Variants in ZC3H11A observed in about 807,000 individuals in gnomAD.
The protein encoded by ZC3H11A is zinc finger CCCH domain-containing protein 11A.
In ZC3H11A, 22 loss-of-function variants were observed where a neutral mutation model predicts 90.8. That is an observed-to-expected ratio of 0.24 (90% CI 0.17 to 0.35). The LOEUF is 0.35. Ranked by LOEUF, ZC3H11A falls within the 10% of genes least tolerant of loss-of-function variation. ZC3H11A has a pLI of 1.00. For missense variants in ZC3H11A, 701 were observed against 964.9 expected (o/e 0.73, Z 3.62); for synonymous variants, 294 against 339.8 (o/e 0.87, Z 1.48).
At position 203,808,692 on chromosome 1, in the gene ZC3H11A, A is replaced by G. The variant is rs549193246; in HGVS notation, c.-146+5676A>G. 2.0e-5 allele frequency among the ~76,000 whole-genome samples: 3 copies of G among 152,236 alleles called. No homozygotes were observed. The East Asian group carries it at 5.8e-4, about 29-fold the overall frequency. ...AGTAATCTCTTGTAATTCAGTTATT[A>G]TGTTTTTCATCAGTGTTTATTCTGT... On this transcript the variant is annotated intron_variant, in intron 2 of 17. Coordinates refer to ENST00000367210, the MANE Select transcript of ZC3H11A (RefSeq NM_001376342.1).
intron 5 of ZC3H11A, among the ~76,000 whole-genome samples, chr1:203,828,774 A>T (rs1308141750): frequency 1.3e-5 from 2 of 152,216 alleles, no homozygotes; most frequent in African/African-American, 4.8e-5. Context: ...AGCCTTGCCC[A>T]TTCATTTACA....
In ZC3H11A at chr1:203,851,138, A is replaced by T. The variant is rs1308987554; in HGVS notation, c.2174+14A>T. 6.8e-6 allele frequency: 11 copies of T among 1,613,498 alleles called. No individual in the cohort carries two copies. The Admixed American group carries it at 1.3e-4, about 20-fold the overall frequency. Reference sequence around the variant, plus strand: ...TCCTAGAGACAGGTAATACTTTGTAATTCTTTCTAAACAAACTCCAGGCCC... The same window carrying T: ...TCCTAGAGACAGGTAATACTTTGTATTTCTTTCTAAACAAACTCCAGGCCC... On this transcript the variant is annotated intron_variant, in intron 17 of 17. Coordinates refer to ENST00000367210, the MANE Select transcript of ZC3H11A (RefSeq NM_001376342.1).
chr1:203,831,564 T>G, intron 8 of ZC3H11A, 97 bp from the exon 9 acceptor site: 2 of 899,214 alleles, frequency 2.2e-6, no homozygotes, highest in Non-Finnish European at 3.5e-6. Context: ...AATATCAGTC[T>G]GTATTGGACT....
At chr1:203,841,756 A>C (rs891326972) in intron 12 of ZC3H11A, among the ~76,000 whole-genome samples, 12 of 151,130 alleles carry the variant, frequency 7.9e-5, no homozygotes, top group Admixed American at 7.9e-4. Flanking sequence ...CCCACCTCCC[A>C]GACGGGGCAG....
chr1:203,809,328 A>G (rs1403394736), intron 2 of ZC3H11A, among the ~76,000 whole-genome samples: 12 of 150,788 alleles, frequency 8.0e-5, no homozygotes, highest in Non-Finnish European at 1.5e-5. Context: ...GGCGCACACT[A>G]CCGTGCCCGG....
At chr1:203,817,530 CTTCTTT>C (rs1676761289) in intron 3 of ZC3H11A, among the ~76,000 whole-genome samples, 1 of 151,782 alleles carries the variant, frequency 6.6e-6, no homozygotes. Flanking sequence ...TTGAATTTGA[CTTCTTT>C]CTTCTCCCAG....
rs755259647 is a variant in ZC3H11A at position 203,819,529 on chromosome 1, A to ATTTTTTTTTTTTT, written c.174+850_174+862dup. Among the ~76,000 whole-genome samples, 264 of 72,858 alleles carry ATTTTTTTTTTTTT rather than the reference A, an allele frequency of 3.6e-3. 10 individuals carry two copies. The highest frequency in any genetic ancestry group is 5.2e-3 in the Non-Finnish European group (198 of 38,066). 47.8% of individuals were successfully genotyped at this position (72,858 alleles called of 152,430 possible). ...GAGCCACCGTGCCCAGCTGACTCCA[A>ATTTTTTTTTTTTT]TTTTTTTTTTTTTTTTTTTTTTGAG... On this transcript the variant is annotated intron_variant, in intron 4 of 17. Coordinates refer to ENST00000367210, the MANE Select transcript of ZC3H11A (RefSeq NM_001376342.1).
rs531570415 is a variant in ZC3H11A at position 203,832,446 on chromosome 1, C to T, written c.811+675C>T. On this transcript the variant is annotated intron_variant, in intron 9 of 17. Coordinates refer to ENST00000367210, the MANE Select transcript of ZC3H11A (RefSeq NM_001376342.1). ...TGCGATCTCCACTCACTGCAACCTC[C>T]GCCTCCCAGGTTCAAGTGATTCTCC... Among the ~76,000 whole-genome samples the T allele has an allele frequency of 9.2e-5, 14 of 152,090 alleles. No homozygotes were observed. In the South Asian group the frequency reaches 1.9e-3, roughly 20 times the overall value.
intron 2 of ZC3H11A, among the ~76,000 whole-genome samples, chr1:203,816,163 T>G (rs1017201872): frequency 1.1e-4 from 16 of 152,250 alleles, no homozygotes; most frequent in African/African-American, 3.9e-4. Flanking sequence ...GTGAAAATAT[T>G]TGAAGTTTTT....
intron 2 of ZC3H11A, chr1:203,805,870 A>G (rs1294631853): frequency 9.4e-6 from 8 of 848,716 alleles, no homozygotes; most frequent in Non-Finnish European, 1.4e-5. Context: ...CATGTCCACT[A>G]GCTGGTCTTG....
At chr1:203,821,323 A>T (rs1244496040) in intron 4 of ZC3H11A, among the ~76,000 whole-genome samples, 1 of 151,674 alleles carries the variant, frequency 6.6e-6, no homozygotes, top group Admixed American at 6.6e-5. Context: ...TTTTTTTTTT[A>T]AATAAATTTC....
chr1:203,814,845 T>A (rs989322084), intron 2 of ZC3H11A: 7 of 152,188 alleles, frequency 4.6e-5, no homozygotes, highest in Admixed American at 1.3e-4. Flanking sequence ...ATTTGTTTAT[T>A]TTTGAGATAG....
intron 1 of ZC3H11A, chr1:203,799,116 A>G: frequency 6.5e-7 from 1 of 1,531,082 alleles, no homozygotes; most frequent in Non-Finnish European, 8.8e-7. Flanking sequence ...AGGTTTGGCT[A>G]AAGACTGTTT....
chr1:203,796,197 G>T, intron 1 of ZC3H11A: 1 of 382,340 alleles, frequency 2.6e-6, no homozygotes, highest in Non-Finnish European at 4.6e-6. Flanking sequence ...TGCTTTCTTC[G>T]GGGCAACAGT....
In ZC3H11A at chr1:203,817,004, G is replaced by A. The variant is rs1397118017; in HGVS notation, c.-67G>A. 2.2e-5 allele frequency: 26 copies of A among 1,192,894 alleles called. No individual in the cohort carries two copies. The highest frequency in any genetic ancestry group is 5.5e-4 in the Middle Eastern group (2 of 3,648). 73.9% of individuals were successfully genotyped at this position (1,192,894 alleles called of 1,614,324 possible). A position where few individuals can be genotyped will look rare whatever the true frequency, so the allele number is the denominator to read the frequency against. On this transcript the variant is annotated 5_prime_UTR_variant, in exon 3 of 18. Transcript: ENST00000367210. The stretch of plus-strand genomic sequence containing the variant: ...CCCATTTCACGAGGACTTGGAGCCT[G>A]GTCCTTGCTTTGAGGAAGCAGTGGC...
chr1:203,843,100 A>T (rs1281883050), intron 12 of ZC3H11A, among the ~76,000 whole-genome samples: 1 of 152,180 alleles, frequency 6.6e-6, no homozygotes, highest in African/African-American at 2.4e-5. Flanking sequence ...GATGTTGGAC[A>T]TTCTTATTCT....
At chr1:203,826,508 A>C (rs773895076) in intron 4 of ZC3H11A, among the ~76,000 whole-genome samples, 4 of 152,154 alleles carry the variant, frequency 2.6e-5, no homozygotes, top group Non-Finnish European at 5.9e-5. Flanking sequence ...GAGCAAATTT[A>C]CATTTCCATT....
intron 2 of ZC3H11A, chr1:203,805,593 T>A: frequency 1.6e-6 from 1 of 630,182 alleles, no homozygotes; most frequent in Non-Finnish European, 3.1e-6. Context: ...ATAATATGTT[T>A]TACATGATGT....
chr1:203,799,701 A>G, intron 1 of ZC3H11A: 1 of 716,710 alleles, frequency 1.4e-6, no homozygotes, highest in Non-Finnish European at 2.5e-6. Context: ...GCAGAAACTC[A>G]GAGAAGATTT....
Sources: allele counts gnomAD v4.1 joint callset (sites outside exome capture counted in the v4.1 genomes callset), GRCh38; gene constraint gnomAD v4.1.1; transcripts MANE v1.5; gene names NCBI Gene and HGNC (gene_info 2026-07-23, HGNC 2026-07-21).